Variants in ROBO1 observed in about 807,000 individuals in gnomAD.
ROBO1 encodes roundabout homolog 1.
Under a neutral mutation model 195.9 loss-of-function variants are expected in ROBO1, and 149 were observed. The observed-to-expected ratio is 0.76, with a 90% CI of 0.67 to 0.87. ROBO1 has a LOEUF of 0.87. Among genes scored for constraint, ROBO1 ranks in the 40% least tolerant of loss-of-function variants. ROBO1 has a pLI of 0.00. For synonymous variants in ROBO1, 816 were observed against 733.2 expected (o/e 1.11, Z -1.82); for missense variants, 1,933 against 2,068.3 (o/e 0.93, Z 1.27).
intron 4 of ROBO1, among the ~76,000 whole-genome samples, chr3:78,841,782 G>A (rs1001165719): frequency 1.3e-5 from 2 of 151,914 alleles, no homozygotes; most frequent in South Asian, 4.2e-4. Flanking sequence ...CAATCAATAA[G>A]AAAAAGACGA....
intron 2 of ROBO1, among the ~76,000 whole-genome samples, chr3:79,571,548 T>C (rs904874748): frequency 6.6e-6 from 1 of 152,068 alleles, no homozygotes; most frequent in Non-Finnish European, 1.5e-5. Flanking sequence ...AGGACTTATC[T>C]AAAAACATGA....
chr3:79,022,884 G>A (rs563379135), intron 3 of ROBO1, among the ~76,000 whole-genome samples: 6 of 152,134 alleles, frequency 3.9e-5, no homozygotes, highest in Admixed American at 6.5e-5. Context: ...GCTTTTTGAC[G>A]GTCAAAATTC....
At chr3:79,472,733 C>T (rs1191683824) in intron 2 of ROBO1, among the ~76,000 whole-genome samples, 1 of 152,122 alleles carries the variant, frequency 6.6e-6, no homozygotes, top group East Asian at 1.9e-4. Flanking sequence ...TGGCTTTCAG[C>T]TATCACAAGC....
chr3:79,040,061 CAAGTTACAACCAATCAGAGAAATAT>C (rs1273773661), intron 3 of ROBO1, among the ~76,000 whole-genome samples: 1 of 152,046 alleles, frequency 6.6e-6, no homozygotes, highest in East Asian at 1.9e-4. Flanking sequence ...ATATTAATAA[CAAGTTACAACCAATCAGAGAAATAT>C]AAGAATTTCT....
chr3:78,912,935 T>A (rs2038334051), intron 4 of ROBO1, among the ~76,000 whole-genome samples: 1 of 152,102 alleles, frequency 6.6e-6, no homozygotes. Flanking sequence ...ACGTCCAATT[T>A]TCTCCTCCTC....
intron 3 of ROBO1, among the ~76,000 whole-genome samples, chr3:79,017,084 T>C (rs1460849953): frequency 6.6e-6 from 1 of 152,190 alleles, no homozygotes; most frequent in African/African-American, 2.4e-5. Flanking sequence ...ATATACCAGG[T>C]TGAAACTTCA....
chr3:78,987,087 T>C lies in ROBO1; in HGVS notation c.173-48160A>G, dbSNP rs149136218. 7.0e-4 allele frequency among the ~76,000 whole-genome samples: 103 copies of C among 147,312 alleles called. No homozygotes were observed. The East Asian group carries it at 0.018, about 25-fold the overall frequency. ...AATGTTAACCTCTCCCCCCAAAACA[T>C]GACGAAGTACTCTAAGTTTCTGGAA... On this transcript the variant is annotated intron_variant, in intron 3 of 30. Transcript: ENST00000464233.
intron 2 of ROBO1, among the ~76,000 whole-genome samples, chr3:79,169,384 C>T (rs1020824422): frequency 6.6e-6 from 1 of 151,446 alleles, no homozygotes; most frequent in Non-Finnish European, 1.5e-5. Flanking sequence ...TAAATAATTA[C>T]TTGTTGAGAT....
intron 2 of ROBO1, among the ~76,000 whole-genome samples, chr3:79,541,121 T>C (rs1264373329): frequency 6.6e-6 from 1 of 152,130 alleles, no homozygotes; most frequent in African/African-American, 2.4e-5. Context: ...ACCATATGCA[T>C]ATTGGTCTCA....
intron 3 of ROBO1, among the ~76,000 whole-genome samples, chr3:78,983,441 G>A (rs563631157): frequency 3.3e-5 from 5 of 152,188 alleles, no homozygotes; most frequent in African/African-American, 7.2e-5. Context: ...CCTCGAAGAC[G>A]TTTAAAGAAT....
intron 4 of ROBO1, among the ~76,000 whole-genome samples, chr3:78,848,935 C>G (rs544437658): frequency 6.6e-6 from 1 of 152,086 alleles, no homozygotes; most frequent in Non-Finnish European, 1.5e-5. Flanking sequence ...GTGGCTCGGT[C>G]TACCATAGTA....
In ROBO1 at chr3:78,597,927, T is replaced by G. The variant is rs1702931157; in HGVS notation, c.*986A>C. Reference sequence around the variant, plus strand: ...TAGTTACAATGGTTTACAAATAAAGTTTAGTGATTGTGCTTTTAAAACCAA... The same window carrying G: ...TAGTTACAATGGTTTACAAATAAAGGTTAGTGATTGTGCTTTTAAAACCAA... On this transcript the variant is annotated 3_prime_UTR_variant, in exon 31 of 31. Coordinates refer to ENST00000464233, the MANE Select transcript of ROBO1 (RefSeq NM_002941.4). 1 of 145,982 alleles carries G rather than the reference T, an allele frequency of 6.9e-6. No individual in the cohort carries two copies. Among genetic ancestry groups the G allele is most frequent in the Non-Finnish European group, 1.5e-5 (1 of 66,788 alleles). 9.0% of individuals were successfully genotyped at this position (145,982 alleles called of 1,614,324 possible).
intron 3 of ROBO1, among the ~76,000 whole-genome samples, chr3:78,994,650 TGA>T (rs2108081704): frequency 6.6e-6 from 1 of 152,294 alleles, no homozygotes; most frequent in East Asian, 1.9e-4. Flanking sequence ...CTAAAACAAG[TGA>T]GTCATTTGTT....
intron 1 of ROBO1, among the ~76,000 whole-genome samples, chr3:79,685,765 G>A (rs1664251792): frequency 6.6e-6 from 1 of 152,100 alleles, no homozygotes; most frequent in Admixed American, 6.6e-5. Flanking sequence ...GGACCAGATG[G>A]ATTCACAGCC....
At chr3:79,395,340 A>AAAAAAGAAAG (rs71631648) in intron 2 of ROBO1, among the ~76,000 whole-genome samples, 7 of 119,062 alleles carry the variant, frequency 5.9e-5, no homozygotes, top group African/African-American at 2.2e-4. Flanking sequence ...AAAAAAAAAA[A>AAAAAAGAAAG]AAAGAAAGAA....
At chr3:78,700,322 C>A (rs1237218195) in intron 8 of ROBO1, among the ~76,000 whole-genome samples, 1 of 152,156 alleles carries the variant, frequency 6.6e-6, no homozygotes, top group African/African-American at 2.4e-5. Context: ...ATCTGTACAT[C>A]CTTCATAGTA....
chr3:79,689,657 A>G (rs1438698346), intron 1 of ROBO1, among the ~76,000 whole-genome samples: 1 of 152,030 alleles, frequency 6.6e-6, no homozygotes, highest in Admixed American at 6.6e-5. Context: ...TTAAATAGTT[A>G]TTCCTGGAAA....
At position 78,670,151 on chromosome 3, in the gene ROBO1, T is replaced by C; in HGVS notation, c.1493A>G (p.Gln498Arg). ...CTCCAACTGTTTGATTCGAGAGTCT[T>C]GGGTTGAAACGAGGACTCCATCCTT... ...WRKDGVLVST[Q>R]DSRIKQLENG... is the part of the protein sequence containing the mutation. Residue 498 changes from glutamine to arginine, a missense_variant, in exon 11 of 31, where the codon CAA becomes CGA. Physicochemically the swap from Gln to Arg is conservative, Grantham distance 43. This residue lies in a region of ROBO1 where 1,737 missense variants were observed against 1,882.5 expected (regional missense o/e 0.92). Transcript: ENST00000464233. 6.2e-7 allele frequency: 1 copy of C among 1,613,480 alleles called. No individual in the cohort carries two copies. The highest frequency in any genetic ancestry group is 8.5e-7 in the Non-Finnish European group (1 of 1,179,690).
chr3:78,874,649 C>A (rs576149111), intron 4 of ROBO1, among the ~76,000 whole-genome samples: 1 of 151,782 alleles, frequency 6.6e-6, no homozygotes, highest in African/African-American at 2.4e-5. Flanking sequence ...AGCTCAAAAA[C>A]ATTTATTTAA....
Sources: gnomAD v4.1 joint callset for allele counts (sites outside exome capture counted in the v4.1 genomes callset) on GRCh38, gnomAD v4.1.1 for gene constraint, gnomAD v4.1.1 regional missense constraint, MANE v1.5 for transcripts, NCBI Gene and HGNC (gene_info 2026-07-23, HGNC 2026-07-21) for gene names.